Variants in PCDH15 observed in about 807,000 individuals in gnomAD.
PCDH15 encodes protocadherin related 15.
PCDH15 carries 129 observed loss-of-function variants against 178.5 expected under a neutral mutation model. The observed-to-expected ratio is 0.72, with a 90% CI of 0.63 to 0.84. The LOEUF (loss-of-function observed/expected upper bound fraction) is 0.84. PCDH15 is among the 40% of genes least tolerant of loss of function. The pLI, the probability that PCDH15 is intolerant of heterozygous loss-of-function variation, is 0.00. For missense variants in PCDH15, 2,230 were observed against 2,099.9 expected (o/e 1.06, Z -1.21); for synonymous variants, 800 against 732.0 (o/e 1.09, Z -1.50).
chr10:54,685,184 T>C (rs1016697454), intron 1 of PCDH15, among the ~76,000 whole-genome samples: 1 of 152,064 alleles, frequency 6.6e-6, no homozygotes, highest in African/African-American at 2.4e-5. Flanking sequence ...GGCAATAACA[T>C]GCACGGAGCT....
At chr10:55,597,577 A>G (rs1397544401) in intron 2 of PCDH15, among the ~76,000 whole-genome samples, 1 of 152,202 alleles carries the variant, frequency 6.6e-6, no homozygotes, top group Admixed American at 6.6e-5. Context: ...TTCTGTCTTA[A>G]TACTTATATA....
Position 54,185,214 on chromosome 10 carries a change from C to A in PCDH15, c.1360G>T (p.Val454Phe), listed in dbSNP as rs61735473. 3.7e-6 allele frequency: 6 copies of A among 1,613,328 alleles called. No homozygotes were observed. Among genetic ancestry groups the A allele is most frequent in the Non-Finnish European group, 5.1e-6 (6 of 1,179,616 alleles). Reference protein sequence around the residue: ...FLNDYTSVFTVTQTGITRYLT... With the variant: ...FLNDYTSVFTFTQTGITRYLT... ...TAGCGAGTAATACCAGTCTGTGTGA[C>A]GGTGAAGACTGAGGTGTAGTCATTC... The change falls in exon 12 of 38, where the codon GTC (valine) becomes TTC (phenylalanine). Residue 454 changes from valine (V) to phenylalanine (F), a missense_variant. Transcript: ENST00000644397.
At chr10:54,620,153 T>A (rs2093311680) in intron 2 of PCDH15, among the ~76,000 whole-genome samples, 1 of 152,064 alleles carries the variant, frequency 6.6e-6, no homozygotes, top group Non-Finnish European at 1.5e-5. Flanking sequence ...CCCTAAAGAT[T>A]TACTTTGTTC....
intron 3 of PCDH15, among the ~76,000 whole-genome samples, chr10:54,503,279 A>T (rs12770420): frequency 2.2e-5 from 3 of 135,876 alleles, no homozygotes; most frequent in Non-Finnish European, 3.2e-5. Context: ...ATATATATTT[A>T]TATATAATAT....
chr10:55,490,717 G>T (rs1840392268), intron 2 of PCDH15, among the ~76,000 whole-genome samples: 1 of 151,562 alleles, frequency 6.6e-6, no homozygotes, highest in Non-Finnish European at 1.5e-5. Flanking sequence ...GTGGAAGACA[G>T]AAAAAAATAT....
intron 2 of PCDH15, among the ~76,000 whole-genome samples, chr10:55,004,729 C>T (rs980841922): frequency 6.6e-6 from 1 of 152,128 alleles, no homozygotes; most frequent in Non-Finnish European, 1.5e-5. Context: ...ACTTGAATAA[C>T]CCTCTTCCCT....
At chr10:54,469,234 C>T (rs1294198408) in intron 3 of PCDH15, among the ~76,000 whole-genome samples, 1 of 152,072 alleles carries the variant, frequency 6.6e-6, no homozygotes, top group Non-Finnish European at 1.5e-5. Flanking sequence ...GTAGCTGGGA[C>T]TACAGGCACG....
intron 1 of PCDH15, among the ~76,000 whole-genome samples, chr10:54,667,716 T>C (rs964818478): frequency 2.6e-5 from 4 of 152,094 alleles, no homozygotes; most frequent in African/African-American, 9.7e-5. Context: ...ACAGAATTTA[T>C]TGGCTAATAA....
chr10:54,454,806 T>C (rs1266753963), intron 3 of PCDH15, among the ~76,000 whole-genome samples: 1 of 152,180 alleles, frequency 6.6e-6, no homozygotes. Flanking sequence ...TATATCTAGG[T>C]TACATCTGAT....
chr10:54,829,220 T>C (rs1164276398), intron 3 of PCDH15, among the ~76,000 whole-genome samples: 1 of 151,956 alleles, frequency 6.6e-6, no homozygotes, highest in South Asian at 2.1e-4. Context: ...TAATGAATAA[T>C]AGTGGTATAG....
At chr10:55,550,756 T>G (rs1049060205) in intron 2 of PCDH15, among the ~76,000 whole-genome samples, 5 of 152,010 alleles carry the variant, frequency 3.3e-5, no homozygotes, top group Non-Finnish European at 7.4e-5. Context: ...CAAAGAGGCT[T>G]AAAAGAAAAA....
At chr10:54,631,072 G>A (rs892867666) in intron 2 of PCDH15, among the ~76,000 whole-genome samples, 1 of 152,192 alleles carries the variant, frequency 6.6e-6, no homozygotes, top group African/African-American at 2.4e-5. Flanking sequence ...AATCCCCGAT[G>A]TTGGAGGTGG....
intron 2 of PCDH15, among the ~76,000 whole-genome samples, chr10:55,375,654 CT>C (rs758813895): frequency 5.9e-5 from 9 of 152,182 alleles, no homozygotes; most frequent in Non-Finnish European, 1.0e-4. Context: ...TCTTAGAGTA[CT>C]TGCACTGGTT....
intron 2 of PCDH15, among the ~76,000 whole-genome samples, chr10:54,946,147 A>G (rs998710450): frequency 6.6e-6 from 1 of 151,848 alleles, no homozygotes; most frequent in East Asian, 1.9e-4. Context: ...AATTTTAATG[A>G]CCAAAGACTT....
intron 2 of PCDH15, among the ~76,000 whole-genome samples, chr10:55,385,783 G>A (rs1837645162): frequency 7.1e-6 from 1 of 141,234 alleles, no homozygotes; most frequent in African/African-American, 2.8e-5. Flanking sequence ...ATATAGATAT[G>A]CATATCTCTG....
rs1296302300 is a variant in PCDH15, at chr10:54,876,307, T to C, written c.-29+21143A>G. On this transcript the variant is annotated intron_variant, in intron 3 of 5. Transcript: ENST00000458638. ...TCCTAGTAACTCAAGACCTCTGATG[T>C]GGATGTACAAAGAAGGAAATGTTAT... Among the ~76,000 whole-genome samples the C allele has an allele frequency of 2.6e-5, 4 of 152,250 alleles. No homozygotes were observed. The South Asian group carries it at 8.3e-4, about 32-fold the overall frequency.
intron 26 of PCDH15, among the ~76,000 whole-genome samples, chr10:53,896,514 C>G (rs958061733): frequency 1.3e-5 from 2 of 152,170 alleles, no homozygotes; most frequent in Non-Finnish European, 2.9e-5. Flanking sequence ...CAGGAGTCTG[C>G]TATTCTGATG....
chr10:55,403,227 T>A (rs1838116048), intron 2 of PCDH15, among the ~76,000 whole-genome samples: 1 of 151,752 alleles, frequency 6.6e-6, no homozygotes, highest in Non-Finnish European at 1.5e-5. Flanking sequence ...ATTTTTATTT[T>A]TTTGCTGGTG....
chr10:55,595,733 G>A (rs1342115739), intron 2 of PCDH15, among the ~76,000 whole-genome samples: 1 of 151,992 alleles, frequency 6.6e-6, no homozygotes, highest in African/African-American at 2.4e-5. Flanking sequence ...AGAAATTCAA[G>A]TGTTTTTGTT....
Sources: allele counts gnomAD v4.1 joint callset (sites outside exome capture counted in the v4.1 genomes callset), GRCh38; gene constraint gnomAD v4.1.1; transcripts MANE v1.5; gene names NCBI Gene and HGNC (gene_info 2026-07-23, HGNC 2026-07-21).